The following STX8 variants were observed in gnomAD, a reference collection of about 807,000 sequenced individuals.
STX8 encodes the protein syntaxin-8.
Under a neutral mutation model 37.5 loss-of-function variants are expected in STX8, and 23 were observed. The observed-to-expected ratio is 0.61, with a 90% CI of 0.44 to 0.87. The LOEUF (loss-of-function observed/expected upper bound fraction) is 0.87. Ranked by LOEUF, STX8 falls within the 40% of genes least tolerant of loss-of-function variation. The probability of loss-of-function intolerance (pLI) is 0.00; values close to 1 mark genes in which losing one functional copy is unlikely to be tolerated. For missense variants in STX8, 313 were observed against 284.7 expected (o/e 1.10, Z -0.71); for synonymous variants, 115 against 99.1 (o/e 1.16, Z -0.95).
intron 5 of STX8, among the ~76,000 whole-genome samples, chr17:9,500,211 CT>C (rs1597710815): frequency 2.0e-5 from 3 of 152,154 alleles, no homozygotes; most frequent in African/African-American, 7.2e-5. Flanking sequence ...CAGATTTCTG[CT>C]TCTGCCCAAG....
intron 6 of STX8, among the ~76,000 whole-genome samples, chr17:9,391,672 A>G (rs189373002): frequency 0.012 from 961 of 77,568 alleles, 5 homozygotes; most frequent in African/African-American, 0.042. Flanking sequence ...AAGATGAGGG[A>G]AAAAAAAAAG....
At chr17:9,262,168 G>C (rs1907061114) in intron 7 of STX8, among the ~76,000 whole-genome samples, 2 of 152,322 alleles carry the variant, frequency 1.3e-5, no homozygotes, top group South Asian at 4.1e-4. Context: ...GAAATCATTT[G>C]ACCAACACGC....
rs1597749463 is a variant in STX8, at chr17:9,568,481, G to A, written c.18-11C>T. The A allele has an allele frequency of 2.5e-6, 4 of 1,604,388 alleles. No individual in the cohort carries two copies. The highest frequency in any genetic ancestry group is 1.3e-5 in the African/African-American group (1 of 74,556). On this transcript the variant is annotated splice_polypyrimidine_tract_variant and intron_variant, in intron 1 of 7. Coordinates refer to ENST00000306357, the MANE Select transcript of STX8 (RefSeq NM_004853.3). Reference sequence around the variant, plus strand: ...TCGTATGTGGAGAACCTGCACCAAAGTCGTAAAAAGAGAAAATGTTTAAGG... The same window carrying A: ...TCGTATGTGGAGAACCTGCACCAAAATCGTAAAAAGAGAAAATGTTTAAGG...
intron 7 of STX8, among the ~76,000 whole-genome samples, chr17:9,270,186 C>T (rs529827303): frequency 5.3e-5 from 8 of 152,328 alleles, no homozygotes; most frequent in Non-Finnish European, 1.0e-4. Flanking sequence ...ATAGCTTAGA[C>T]TCAAATATCT....
At chr17:9,545,475 T>C (rs1008654868) in intron 3 of STX8, among the ~76,000 whole-genome samples, 193 bp from the exon 4 acceptor site, 1 of 152,236 alleles carries the variant, frequency 6.6e-6, no homozygotes, top group African/African-American at 2.4e-5. Context: ...TAAAGGACCT[T>C]GGCAGGACCA....
intron 6 of STX8, among the ~76,000 whole-genome samples, chr17:9,481,765 C>T (rs1396669109): frequency 6.6e-6 from 1 of 152,182 alleles, no homozygotes; most frequent in Non-Finnish European, 1.5e-5. Context: ...TGAGCTCCAC[C>T]TCCCATCAGA....
chr17:9,498,467 C>G (rs1904489677), intron 5 of STX8, among the ~76,000 whole-genome samples: 1 of 151,602 alleles, frequency 6.6e-6, no homozygotes, highest in Non-Finnish European at 1.5e-5. Flanking sequence ...AGACTCAGAG[C>G]AAGTTTAAGA....
At chr17:9,514,562 C>T (rs9902968) in intron 4 of STX8, among the ~76,000 whole-genome samples, 7,082 of 152,070 alleles carry the variant, frequency 0.047, 582 homozygotes, top group African/African-American at 0.16. Flanking sequence ...GCCAAGATTG[C>T]GCCACTGCAC....
chr17:9,292,801 G>A (rs1318325769), intron 7 of STX8, among the ~76,000 whole-genome samples: 1 of 152,158 alleles, frequency 6.6e-6, no homozygotes, highest in Non-Finnish European at 1.5e-5. Context: ...CTCGCTGAAT[G>A]CTCTCTGGCT....
At chr17:9,496,934 A>G (rs1213330730) in intron 5 of STX8, among the ~76,000 whole-genome samples, 1 of 152,192 alleles carries the variant, frequency 6.6e-6, no homozygotes, top group Non-Finnish European at 1.5e-5. Context: ...TGGGACCTGC[A>G]TTGGACTACT....
chr17:9,377,387 G>T (rs1475712148), intron 7 of STX8, among the ~76,000 whole-genome samples: 1 of 151,658 alleles, frequency 6.6e-6, no homozygotes, highest in Non-Finnish European at 1.5e-5. Flanking sequence ...TGCAGCCTCA[G>T]CCTCCTGGGC....
At chr17:9,570,349 TGAGA>T (rs1907639344) in intron 1 of STX8, among the ~76,000 whole-genome samples, 1 of 152,052 alleles carries the variant, frequency 6.6e-6, no homozygotes, top group Middle Eastern at 3.2e-3. Flanking sequence ...ATAAGGATCC[TGAGA>T]GAGGATCCTG....
chr17:9,429,012 AG>A (rs1913745193), intron 6 of STX8, among the ~76,000 whole-genome samples: 1 of 152,122 alleles, frequency 6.6e-6, no homozygotes, highest in Admixed American at 6.6e-5. Flanking sequence ...ATTTCATGAA[AG>A]GGTACCTTTG....
intron 7 of STX8, among the ~76,000 whole-genome samples, chr17:9,369,616 GCA>G (rs1423214585): frequency 1.3e-5 from 2 of 152,120 alleles, no homozygotes; most frequent in Non-Finnish European, 2.9e-5. Context: ...TGTTGGTCAG[GCA>G]CAGTGTCATA....
At chr17:9,428,522 A>T (rs144792916) in intron 6 of STX8, among the ~76,000 whole-genome samples, 1 of 152,124 alleles carries the variant, frequency 6.6e-6, no homozygotes, top group South Asian at 2.1e-4. Context: ...TTACAGGCGT[A>T]AGCCACCCCG....
At chr17:9,448,983 T>G (rs1904948889) in intron 6 of STX8, among the ~76,000 whole-genome samples, 1 of 152,164 alleles carries the variant, frequency 6.6e-6, no homozygotes, top group Non-Finnish European at 1.5e-5. Flanking sequence ...TAAAAAAATT[T>G]CTAAAATGAC....
At chr17:9,337,569 G>A (rs957568378) in intron 7 of STX8, among the ~76,000 whole-genome samples, 1 of 152,176 alleles carries the variant, frequency 6.6e-6, no homozygotes, top group African/African-American at 2.4e-5. Flanking sequence ...GTTTCACCAT[G>A]TTGGGCAGGC....
chr17:9,544,860 CGGT>C (rs1906436914), intron 4 of STX8, among the ~76,000 whole-genome samples: 1 of 151,964 alleles, frequency 6.6e-6, no homozygotes, highest in East Asian at 1.9e-4. Flanking sequence ...GGCACGGTGG[CGGT>C]GGGCGCCTGT....
intron 6 of STX8, among the ~76,000 whole-genome samples, chr17:9,441,671 G>A (rs2142387452): frequency 7.4e-6 from 1 of 135,240 alleles, no homozygotes; most frequent in South Asian, 2.4e-4. Context: ...CAGCACCATG[G>A]CTTTTTTTTT....
Sources: gnomAD v4.1 joint callset for allele counts (sites outside exome capture counted in the v4.1 genomes callset) on GRCh38, gnomAD v4.1.1 for gene constraint, MANE v1.5 for transcripts, NCBI Gene and HGNC (gene_info 2026-07-23, HGNC 2026-07-21) for gene names.